UNC5A: variants seen among roughly 807,000 people sequenced by gnomAD.
UNC5A encodes netrin receptor UNC5A.
A neutral mutation model predicts 87.4 loss-of-function variants in UNC5A; 20 were observed. That is an observed-to-expected ratio of 0.23 (90% confidence interval 0.16 to 0.33). The LOEUF is 0.33. UNC5A is among the 10% of genes least tolerant of loss of function. The pLI is 1.00. For missense variants in UNC5A, 844 were observed against 1,133.4 expected (o/e 0.74, Z 3.67); for synonymous variants, 438 against 482.3 (o/e 0.91, Z 1.20).
At chr5:176,817,167 A>C (rs1273640762) in intron 1 of UNC5A, among the ~76,000 whole-genome samples, 1 of 151,658 alleles carries the variant, frequency 6.6e-6, no homozygotes, top group African/African-American at 2.4e-5. Flanking sequence ...CGTCACCCTG[A>C]CTGGTGGGGC....
intron 1 of UNC5A, among the ~76,000 whole-genome samples, chr5:176,827,049 CT>C (rs1330184452): frequency 6.6e-6 from 1 of 151,940 alleles, no homozygotes; most frequent in Non-Finnish European, 1.5e-5. Flanking sequence ...ACGGACTTGT[CT>C]ATTATGATAT....
chr5:176,858,803 G>A (rs1365060570), intron 1 of UNC5A, among the ~76,000 whole-genome samples: 1 of 150,458 alleles, frequency 6.6e-6, no homozygotes, highest in Non-Finnish European at 1.5e-5. Flanking sequence ...AGGGAGGGAG[G>A]GAAGGAAAGA....
At chr5:176,877,841 G>A in intron 10 of UNC5A, 53 bp from the exon 11 acceptor site, 2 of 1,543,122 alleles carry the variant, frequency 1.3e-6, no homozygotes, top group East Asian at 2.3e-5. Flanking sequence ...AGCCACAGCT[G>A]GCCCTAGGGC....
intron 1 of UNC5A, among the ~76,000 whole-genome samples, chr5:176,842,121 C>T (rs1311083358): frequency 1.3e-5 from 2 of 152,192 alleles, no homozygotes; most frequent in Non-Finnish European, 2.9e-5. Context: ...GGCGTGAACC[C>T]GGGAGGCGGA....
chr5:176,856,648 C>G (rs1259993181), intron 1 of UNC5A, among the ~76,000 whole-genome samples: 9 of 152,134 alleles, frequency 5.9e-5, no homozygotes, highest in Non-Finnish European at 1.2e-4. Flanking sequence ...AGAAAGGCCT[C>G]CAGGAGGAGG....
Position 176,848,005 on chromosome 5 carries a change from C to T in UNC5A, c.71-14619C>T, listed in dbSNP as rs1215313553. Among the ~76,000 whole-genome samples the T allele has an allele frequency of 6.6e-6, 1 of 152,094 alleles. No homozygotes were observed. The highest frequency in any genetic ancestry group is 1.5e-5 in the Non-Finnish European group (1 of 67,988). ...AGGGAAGGGCTGGGCTTCTTGAGGG[C>T]GGAGGCTCCTGCTGCCTTCCCACAC... On this transcript the variant is annotated intron_variant, in intron 1 of 14. Transcript: ENST00000329542. The surrounding 1 kb of genome is among the most constrained non-coding windows in gnomAD (Gnocchi z 5.8).
rs1756436105 is a variant in UNC5A at position 176,810,922 on chromosome 5, G to A, written c.70+102G>A. 1 of 1,074,998 alleles carries A rather than the reference G, an allele frequency of 9.3e-7. No individual in the cohort carries two copies. The highest frequency in any genetic ancestry group is 4.1e-5 in the East Asian group (1 of 24,254). 66.6% of individuals were successfully genotyped at this position (1,074,998 alleles called of 1,614,324 possible). On this transcript the variant is annotated intron_variant, in intron 1 of 14. Coordinates refer to ENST00000329542, the MANE Select transcript of UNC5A (RefSeq NM_133369.3). The surrounding 1 kb of genome is among the most constrained non-coding windows in gnomAD (Gnocchi z 7.3). ...TGACCAGCGCTGCCAGACCCGGCTG[G>A]GAGCCCCCCGAGGCCAAACTTTGCG...
chr5:176,834,427 A>G (rs2113611754), intron 1 of UNC5A, among the ~76,000 whole-genome samples: 1 of 152,304 alleles, frequency 6.6e-6, no homozygotes, highest in Non-Finnish European at 1.5e-5. Context: ...CCCAGGGCCC[A>G]GGAGGGGCCA....
intron 1 of UNC5A, among the ~76,000 whole-genome samples, chr5:176,853,261 G>A (rs1014614668): frequency 1.3e-5 from 2 of 152,220 alleles, no homozygotes; most frequent in South Asian, 2.1e-4. Flanking sequence ...TGAGCCTCAC[G>A]TTCCTTGTCT....
In UNC5A at chr5:176,874,104, G is replaced by A. The variant is rs542700614; in HGVS notation, c.1023G>A (p.Ser341=). The part of the protein sequence containing the change: ...KEGLDSDVAD[S]SILTSGFQPV... ...GGCTGGACTCAGATGTGGCTGACTCGTCCATTCTCACCTCAGGCTTCCAGC... is the reference window on the plus strand; with the variant it reads ...GGCTGGACTCAGATGTGGCTGACTCATCCATTCTCACCTCAGGCTTCCAGC... Residue 341 remains serine, a synonymous_variant, in exon 7 of 15, where the codon TCG becomes TCA. Coordinates refer to ENST00000329542, the MANE Select transcript of UNC5A (RefSeq NM_133369.3). This position sits in a 1 kb window ranked among gnomAD's most constrained non-coding sequence, Gnocchi z 7.6. The A allele has an allele frequency of 1.9e-5, 30 of 1,613,846 alleles. 1 individual carries two copies. In the Middle Eastern group the frequency reaches 6.6e-4, roughly 35 times the overall value.
Position 176,878,466 on chromosome 5 carries a change from C to G in UNC5A, c.2020-9C>G, listed in dbSNP as rs1352335470. ...CTCACCTGACACCTCCTCTCTGCAT[C>G]CCCATCAGGAGATCCCCTTTTATCA... On this transcript the variant is annotated splice_polypyrimidine_tract_variant and intron_variant, in intron 12 of 14. Coordinates refer to ENST00000329542, the MANE Select transcript of UNC5A (RefSeq NM_133369.3). 6.2e-7 allele frequency: 1 copy of G among 1,611,916 alleles called. No individual in the cohort carries two copies. Among genetic ancestry groups the G allele is most frequent in the Admixed American group, 1.7e-5 (1 of 59,996 alleles).
rs70991572 is a variant in UNC5A, at chr5:176,829,131, C to CAA, written c.70+18327_70+18328dup. ...TGGGCAACAGAGCGAGACTCCATCTCAAAAAAAAAAAAAAAAAGAAAGAAA... is the reference window on the plus strand; with the variant it reads ...TGGGCAACAGAGCGAGACTCCATCTCAAAAAAAAAAAAAAAAAAAGAAAGAAA... On this transcript the variant is annotated intron_variant, in intron 1 of 14. Transcript: ENST00000329542. Among the ~76,000 whole-genome samples the CAA allele has an allele frequency of 1.3e-3, 115 of 89,220 alleles. 3 individuals carry two copies. Among genetic ancestry groups the CAA allele is most frequent in the African/African-American group, 5.3e-3 (105 of 19,836 alleles). The allele number at this position is 89,220 out of a possible 152,430, so 58.5% of individuals were successfully genotyped here.
At chr5:176,863,529 G>C (rs1187807752) in intron 2 of UNC5A, among the ~76,000 whole-genome samples, 1 of 152,082 alleles carries the variant, frequency 6.6e-6, no homozygotes, top group African/African-American at 2.4e-5. Context: ...GGCACAGAGA[G>C]AGAGGTTCTA....
chr5:176,820,038 G>A (rs1355505045), intron 1 of UNC5A, among the ~76,000 whole-genome samples: 2 of 152,200 alleles, frequency 1.3e-5, no homozygotes, highest in East Asian at 1.9e-4. Context: ...CGAGGCGGGC[G>A]GATCACGAGG....
chr5:176,844,510 A>T lies in UNC5A; in HGVS notation c.71-18114A>T, dbSNP rs1757355418. Among the ~76,000 whole-genome samples the T allele has an allele frequency of 6.6e-6, 1 of 152,186 alleles. No individual in the cohort carries two copies. Among genetic ancestry groups the T allele is most frequent in the Non-Finnish European group, 1.5e-5 (1 of 68,018 alleles). ...GCCGTGGGCGCCCACTGCATACAGCAGGTTGGTGAGGGAAGGTCTGATGGG... is the reference window on the plus strand; with the variant it reads ...GCCGTGGGCGCCCACTGCATACAGCTGGTTGGTGAGGGAAGGTCTGATGGG... On this transcript the variant is annotated intron_variant, in intron 1 of 14. Transcript: ENST00000329542. The surrounding 1 kb of genome is among the most constrained non-coding windows in gnomAD (Gnocchi z 4.2).
At chr5:176,840,518 C>T (rs1757249261) in intron 1 of UNC5A, among the ~76,000 whole-genome samples, 1 of 152,256 alleles carries the variant, frequency 6.6e-6, no homozygotes, top group Admixed American at 6.5e-5. Flanking sequence ...ATCTCTATCT[C>T]TTCATCTCTT....
chr5:176,843,400 T>G (rs1207166947), intron 1 of UNC5A, among the ~76,000 whole-genome samples: 1 of 151,930 alleles, frequency 6.6e-6, no homozygotes, highest in East Asian at 1.9e-4. Context: ...TGCGGTGACA[T>G]TCTAGAAATG....
At chr5:176,837,161 T>C (rs964271280) in intron 1 of UNC5A, among the ~76,000 whole-genome samples, 6 of 152,056 alleles carry the variant, frequency 3.9e-5, no homozygotes, top group Non-Finnish European at 8.8e-5. Flanking sequence ...TTAAACTCCA[T>C]GCTGTGGAGT....
Position 176,878,086 on chromosome 5 carries a change from A to C in UNC5A, c.1828A>C (p.Ile610Leu). ...GGCCTGCACCTCCCTCGAGTACAACATCCGGGTCTACTGCCTGCATGACAC... is the reference window on the plus strand; with the variant it reads ...GGCCTGCACCTCCCTCGAGTACAACCTCCGGGTCTACTGCCTGCATGACAC... ...PVACTSLEYN[I>L]RVYCLHDTHD... The change falls in exon 11 of 15, where the codon ATC becomes CTC. Residue 610 changes from isoleucine (I) to leucine (L), a missense_variant. Around this residue, in one of 3 missense-constraint regions of UNC5A, gnomAD observed 353 missense variants for 387.5 expected, o/e 0.91. Transcript: ENST00000329542. 6.2e-7 allele frequency: 1 copy of C among 1,609,694 alleles called. No individual in the cohort carries two copies. The highest frequency in any genetic ancestry group is 8.5e-7 in the Non-Finnish European group (1 of 1,179,932).
Sources: gnomAD v4.1 joint callset for allele counts (sites outside exome capture counted in the v4.1 genomes callset) on GRCh38, gnomAD v4.1.1 for gene constraint, gnomAD v4.1.1 regional missense constraint, Gnocchi (gnomAD v3.1) non-coding constraint, MANE v1.5 for transcripts, NCBI Gene and HGNC (gene_info 2026-07-23, HGNC 2026-07-21) for gene names.